STARD13: variants seen among roughly 807,000 people sequenced by gnomAD.
STARD13 encodes stAR-related lipid transfer protein 13.
A neutral mutation model predicts 106.4 loss-of-function variants in STARD13; 62 were observed. The ratio of observed to expected loss-of-function variants is 0.58; its 90% CI spans 0.48 to 0.72. STARD13 has a LOEUF of 0.72. Ranked by LOEUF, STARD13 falls within the 30% of genes least tolerant of loss-of-function variation. The pLI, the probability that STARD13 is intolerant of heterozygous loss-of-function variation, is 0.00. For missense variants in STARD13, 1,387 were observed against 1,424.0 expected, an observed-to-expected ratio of 0.97 and a Z score of 0.42; for synonymous variants, 565 against 553.0, an observed-to-expected ratio of 1.02 and a Z score of -0.31.
At chr13:33,426,799 T>C in the STARD13 span, among the ~76,000 whole-genome samples, 1 of 152,194 alleles carries the variant, frequency 6.6e-6, no homozygotes, top group African/African-American at 2.4e-5. Flanking sequence ...ACTCCTATTA[T>C]TATGACAAAA....
At chr13:33,487,399 T>C in the STARD13 span, among the ~76,000 whole-genome samples, 1 of 152,126 alleles carries the variant, frequency 6.6e-6, no homozygotes, top group African/African-American at 2.4e-5. Context: ...AATCCAAAAG[T>C]TAAAAATACA....
intron 1 of STARD13, among the ~76,000 whole-genome samples, chr13:33,349,367 C>A (rs900787195): frequency 2.6e-5 from 4 of 152,230 alleles, no homozygotes; most frequent in Admixed American, 2.6e-4. Context: ...TGCCCAGGAA[C>A]TGTGCTGTGG....
At chr13:33,432,396 A>T in the STARD13 span, among the ~76,000 whole-genome samples, 1 of 152,160 alleles carries the variant, frequency 6.6e-6, no homozygotes, top group African/African-American at 2.4e-5. Flanking sequence ...TCAGCTCTTT[A>T]GGTTAGAACA....
the STARD13 span, among the ~76,000 whole-genome samples, chr13:33,580,621 G>A: frequency 6.6e-6 from 1 of 152,140 alleles, no homozygotes; most frequent in South Asian, 2.1e-4. Flanking sequence ...GTTAATAATA[G>A]AGGAAATGAG....
intron 1 of STARD13, among the ~76,000 whole-genome samples, chr13:33,340,293 T>A (rs1001790644): frequency 3.9e-5 from 6 of 152,162 alleles, no homozygotes; most frequent in African/African-American, 1.4e-4. Flanking sequence ...AGCCTCAACT[T>A]CCAGGGCTCA....
intron 1 of STARD13, among the ~76,000 whole-genome samples, chr13:33,173,169 A>G (rs1174279109): frequency 6.6e-6 from 1 of 152,230 alleles, no homozygotes. Flanking sequence ...AGGTGTTAAC[A>G]TTTCAACGGG....
At chr13:33,464,920 C>T in the STARD13 span, among the ~76,000 whole-genome samples, 31 of 152,054 alleles carry the variant, frequency 2.0e-4, no homozygotes, top group Non-Finnish European at 2.2e-4. Context: ...ACTGCCAGTC[C>T]GGCAGGAAAG....
chr13:33,638,829 A>T, the STARD13 span, among the ~76,000 whole-genome samples: 1 of 152,076 alleles, frequency 6.6e-6, no homozygotes, highest in African/African-American at 2.4e-5. Flanking sequence ...GGGGTCTTAG[A>T]ATTTTATTTT....
chr13:33,476,153 T>G, the STARD13 span, among the ~76,000 whole-genome samples: 2 of 152,132 alleles, frequency 1.3e-5, no homozygotes, highest in African/African-American at 2.4e-5. Context: ...TTAAGAAAAT[T>G]ATATTGACTC....
chr13:33,659,236 T>TTTTTTTTTTA, the STARD13 span, among the ~76,000 whole-genome samples: 6 of 138,590 alleles, frequency 4.3e-5, no homozygotes, highest in East Asian at 2.1e-4. Flanking sequence ...TTTTTTTTTT[T>TTTTTTTTTTA]ATGAAGTCTT....
At chr13:33,454,562 C>G in the STARD13 span, among the ~76,000 whole-genome samples, 1 of 152,132 alleles carries the variant, frequency 6.6e-6, no homozygotes, top group Admixed American at 6.5e-5. Context: ...AAAGGAGATA[C>G]GATAACTCAG....
the STARD13 span, among the ~76,000 whole-genome samples, chr13:33,511,036 G>A: frequency 2.6e-5 from 4 of 152,074 alleles, no homozygotes; most frequent in Admixed American, 6.6e-5. Context: ...TTGGCCAGAT[G>A]CAGTGGCTCA....
the STARD13 span, among the ~76,000 whole-genome samples, chr13:33,454,760 T>G: frequency 6.6e-6 from 1 of 152,226 alleles, no homozygotes; most frequent in African/African-American, 2.4e-5. Flanking sequence ...TCAGATCATT[T>G]TGCTAAAAGT....
At chr13:33,167,702 G>T in intron 1 of STARD13, 80 bp from the exon 2 acceptor site, 1 of 1,412,532 alleles carries the variant, frequency 7.1e-7, no homozygotes. Flanking sequence ...TGGAGACACT[G>T]GTGAGCTTTG....
chr13:33,167,442 G>T, intron 2 of STARD13, 109 bp downstream of exon 2: 1 of 1,127,198 alleles, frequency 8.9e-7, no homozygotes, highest in South Asian at 1.4e-5. Flanking sequence ...AGAAAGCGAA[G>T]CAAAATGGGC....
chr13:33,132,050 AT>A (rs1468862782), intron 4 of STARD13, among the ~76,000 whole-genome samples: 1 of 152,216 alleles, frequency 6.6e-6, no homozygotes, highest in African/African-American at 2.4e-5. Context: ...TGCACAGTTA[AT>A]CATTGTGGGG....
the STARD13 span, among the ~76,000 whole-genome samples, chr13:33,670,218 T>G: frequency 2.0e-5 from 3 of 152,206 alleles, no homozygotes; most frequent in Non-Finnish European, 4.4e-5. Context: ...TATCTTATAT[T>G]CTTCCTCTGT....
At chr13:33,500,587 C>A in the STARD13 span, among the ~76,000 whole-genome samples, 1 of 152,206 alleles carries the variant, frequency 6.6e-6, no homozygotes, top group South Asian at 2.1e-4. Context: ...CTAAATAAAT[C>A]CATTTTGGGT....
the STARD13 span, among the ~76,000 whole-genome samples, chr13:33,564,982 C>CT: frequency 7.8e-6 from 1 of 127,618 alleles, no homozygotes; most frequent in Admixed American, 9.0e-5. Flanking sequence ...AACAGAGACT[C>CT]TGTCTCAAAA....
Sources: allele counts gnomAD v4.1 joint callset (sites outside exome capture counted in the v4.1 genomes callset), GRCh38; gene constraint gnomAD v4.1.1; transcripts MANE v1.5; gene names NCBI Gene and HGNC (gene_info 2026-07-23, HGNC 2026-07-21).